DAGLB: variants seen among roughly 807,000 people sequenced by gnomAD.
The protein encoded by DAGLB is diacylglycerol lipase beta.
DAGLB carries 66 observed loss-of-function variants against 72.1 expected under a neutral mutation model. The observed-to-expected ratio is 0.92, with a 90% CI of 0.75 to 1.12. The LOEUF (loss-of-function observed/expected upper bound fraction) is 1.12. DAGLB is among the 50% of genes most tolerant of loss of function. DAGLB has a pLI of 0.00. For synonymous variants in DAGLB, 414 were observed against 359.5 expected (o/e 1.15, Z -1.71); for missense variants, 1,065 against 884.9 (o/e 1.20, Z -2.58).
chr7:6,425,443 T>G (rs1784276163), intron 7 of DAGLB, among the ~76,000 whole-genome samples: 1 of 152,156 alleles, frequency 6.6e-6, no homozygotes, highest in South Asian at 2.1e-4. Flanking sequence ...AGCTAATTTT[T>G]GTATTTTTAG....
Position 6,447,875 on chromosome 7 carries a change from A to T in DAGLB, c.-33T>A. The T allele has an allele frequency of 6.3e-7, 1 of 1,575,172 alleles. No homozygotes were observed. The highest frequency in any genetic ancestry group is 2.3e-5 in the East Asian group (1 of 43,354). ...GTCCCGTAGCTCGCACTCAGGAGAG[A>T]CCCCGCGCGCCGTTCACCGAGAACA... On this transcript the variant is annotated 5_prime_UTR_variant, in exon 1 of 15. Coordinates refer to ENST00000297056, the MANE Select transcript of DAGLB (RefSeq NM_139179.4).
intron 6 of DAGLB, among the ~76,000 whole-genome samples, chr7:6,430,078 A>C (rs1784431435): frequency 6.7e-6 from 1 of 149,626 alleles, no homozygotes; most frequent in South Asian, 2.1e-4. Context: ...GGTGGCGGGC[A>C]CCTGTAATTC....
At chr7:6,445,002 T>A (rs1048902409) in intron 2 of DAGLB, among the ~76,000 whole-genome samples, 1 of 152,190 alleles carries the variant, frequency 6.6e-6, no homozygotes, top group African/African-American at 2.4e-5. Flanking sequence ...ATAAGAGCGT[T>A]GGGCAATTAG....
At position 6,414,064 on chromosome 7, in the gene DAGLB, G is replaced by T. The variant is rs553630252; in HGVS notation, c.1428-1030C>A. Among the ~76,000 whole-genome samples the T allele has an allele frequency of 4.6e-5, 7 of 152,298 alleles. No individual in the cohort carries two copies. The South Asian group carries it at 8.3e-4, about 18-fold the overall frequency. ...CTCGCTCTGTCTCCCAGGCTGGAGT[G>T]CAGCGGCACAATCTCAGCTCACTGC... On this transcript the variant is annotated intron_variant, in intron 11 of 14. Transcript: ENST00000297056.
At chr7:6,437,813 T>C (rs563280655) in intron 2 of DAGLB, among the ~76,000 whole-genome samples, 50 of 152,228 alleles carry the variant, frequency 3.3e-4, no homozygotes, top group African/African-American at 1.2e-3. Context: ...GGCTAATTTT[T>C]GTATTTTTAG....
intron 2 of DAGLB, among the ~76,000 whole-genome samples, chr7:6,445,476 G>A (rs1040030250): frequency 2.0e-5 from 3 of 152,034 alleles, no homozygotes; most frequent in South Asian, 2.1e-4. Context: ...GAGAGTTTGG[G>A]GAAAATGAGG....
chr7:6,412,704 C>G, intron 13 of DAGLB, 107 bp downstream of exon 13: 1 of 1,268,822 alleles, frequency 7.9e-7, no homozygotes, highest in East Asian at 2.6e-5. Context: ...CTTCCAGCAA[C>G]AGCATAGAGT....
intron 2 of DAGLB, among the ~76,000 whole-genome samples, chr7:6,441,609 G>T (rs1241166375): frequency 1.3e-5 from 2 of 148,944 alleles, no homozygotes; most frequent in Non-Finnish European, 3.0e-5. Context: ...AGAAGAGACG[G>T]GGTTTCACCG....
chr7:6,440,536 A>C (rs1169401500), intron 2 of DAGLB, among the ~76,000 whole-genome samples: 2 of 152,200 alleles, frequency 1.3e-5, no homozygotes, highest in African/African-American at 2.4e-5. Context: ...AAAGCTAAAG[A>C]AGCATTCTTT....
intron 6 of DAGLB, 27 bp from the exon 7 acceptor site, chr7:6,426,141 T>G: frequency 1.2e-6 from 2 of 1,611,988 alleles, no homozygotes; most frequent in Non-Finnish European, 8.5e-7. Flanking sequence ...GACGTTACTA[T>G]GCCGAACAGA....
chr7:6,442,604 G>A (rs1038394489), intron 2 of DAGLB, among the ~76,000 whole-genome samples: 1 of 152,156 alleles, frequency 6.6e-6, no homozygotes, highest in Non-Finnish European at 1.5e-5. Flanking sequence ...CCTTCAATAA[G>A]AAGCTTCCCA....
chr7:6,426,242 G>T, intron 6 of DAGLB, 128 bp from the exon 7 acceptor site: 1 of 1,348,208 alleles, frequency 7.4e-7, no homozygotes, highest in Non-Finnish European at 1.0e-6. Context: ...TAGCCTGGCT[G>T]ACATGGAATG....
rs151105234 is a variant in DAGLB, at chr7:6,416,272, G to A, written c.1427+355C>T. ...CAAAACACAAACCTCAGCTGGGTGCGGTGGCTCACGCCTGTAATCCCTGCA... is the reference window on the plus strand; with the variant it reads ...CAAAACACAAACCTCAGCTGGGTGCAGTGGCTCACGCCTGTAATCCCTGCA... On this transcript the variant is annotated intron_variant, in intron 11 of 14. Transcript: ENST00000297056. 4.2e-3 allele frequency: 757 copies of A among 179,124 alleles called. 5 individuals are homozygous for A. Among genetic ancestry groups the A allele is most frequent in the African/African-American group, 0.017 (716 of 42,456 alleles). 11.1% of individuals were successfully genotyped at this position (179,124 alleles called of 1,614,324 possible).
rs1307156889 is a variant in DAGLB at position 6,432,914 on chromosome 7, G to A, written c.724C>T (p.Leu242Phe). 1 of 1,613,688 alleles carries A rather than the reference G, an allele frequency of 6.2e-7. No individual in the cohort carries two copies. The highest frequency in any genetic ancestry group is 1.1e-5 in the South Asian group (1 of 91,082). ...CTGATATTGTCCTGTTGCTGATGAA[G>A]CAGGGCGAGGCCCGCCGCAATGTCG... ...PSDIAAGLAL[L>F]HQQQDNIRNN... is the part of the protein sequence containing the mutation. The change falls in exon 5 of 15, where the codon CTT (leucine) becomes TTT (phenylalanine). Residue 242 changes from leucine (L) to phenylalanine (F), a missense_variant. Leu to Phe is a conservative substitution (Grantham distance 22). Coordinates refer to ENST00000297056, the MANE Select transcript of DAGLB (RefSeq NM_139179.4).
intron 8 of DAGLB, 27 bp downstream of exon 8, chr7:6,424,725 G>A (rs1320865763): frequency 1.9e-6 from 3 of 1,611,212 alleles, no homozygotes; most frequent in Non-Finnish European, 1.7e-6. Context: ...CCACTCCCAG[G>A]GCTGGAAAGT....
intron 9 of DAGLB, among the ~76,000 whole-genome samples, chr7:6,420,805 G>T (rs963510268): frequency 8.5e-5 from 13 of 152,142 alleles, no homozygotes; most frequent in Non-Finnish European, 1.5e-5. Flanking sequence ...CCTTCGGGAG[G>T]AGCTGAGGCA....
chr7:6,447,219 C>G (rs1004710195), intron 1 of DAGLB, among the ~76,000 whole-genome samples: 1 of 152,224 alleles, frequency 6.6e-6, no homozygotes, highest in South Asian at 2.1e-4. Flanking sequence ...ATGCCACTTC[C>G]CACTGATTCC....
chr7:6,417,340 C>T lies in DAGLB; in HGVS notation c.1219-419G>A, dbSNP rs370050949. The T allele has an allele frequency of 3.8e-5, 6 of 159,708 alleles. No individual in the cohort carries two copies. The South Asian group carries it at 8.5e-4, about 23-fold the overall frequency. 9.9% of individuals were successfully genotyped at this position (159,708 alleles called of 1,614,324 possible). A position where few individuals can be genotyped will look rare whatever the true frequency, so the allele number is the denominator to read the frequency against. ...TCGGGAGGCTGAGGTGGGAGGGTCG[C>T]TGGAACACATGAAGTTCAGGCTGCA... On this transcript the variant is annotated intron_variant, in intron 9 of 14. Coordinates refer to ENST00000297056, the MANE Select transcript of DAGLB (RefSeq NM_139179.4).
chr7:6,409,917 C>G lies in DAGLB; in HGVS notation c.1939G>C (p.Ala647Pro). The stretch of plus-strand genomic sequence containing the variant: ...CTGTCGGAGACCACGCTGTCCAAGG[C>G]CCGCATCAGGATGTCTGGCATGTGG... ...TDHMPDILMR[A>P]LDSVVSDRAA... The change falls in exon 15 of 15, where the codon GCC (alanine) becomes CCC (proline). Residue 647 changes from alanine to proline, a missense_variant. Coordinates refer to ENST00000297056, the MANE Select transcript of DAGLB (RefSeq NM_139179.4). The G allele has an allele frequency of 6.2e-7, 1 of 1,614,134 alleles. No individual in the cohort carries two copies. The highest frequency in any genetic ancestry group is 8.5e-7 in the Non-Finnish European group (1 of 1,180,042).
Sources: gnomAD v4.1 joint callset for allele counts (sites outside exome capture counted in the v4.1 genomes callset) on GRCh38, gnomAD v4.1.1 for gene constraint, MANE v1.5 for transcripts, NCBI Gene and HGNC (gene_info 2026-07-23, HGNC 2026-07-21) for gene names.